Variants in RFLNA observed in about 807,000 individuals in gnomAD.
The protein encoded by RFLNA is refilin A, also known as refilin-A.
A neutral mutation model predicts 7.8 loss-of-function variants in RFLNA; 5 were observed. The ratio of observed to expected loss-of-function variants is 0.64; its 90% CI spans 0.34 to 1.35. The LOEUF is 1.35. RFLNA is among the 40% of genes most tolerant of loss of function. The pLI is 0.04. For synonymous variants in RFLNA, 141 were observed against 131.3 expected, an observed-to-expected ratio of 1.07 and a Z score of -0.50; for missense variants, 278 against 305.5, an observed-to-expected ratio of 0.91 and a Z score of 0.67.
In RFLNA at chr12:124,306,155, T is replaced by A. The variant is rs933812212; in HGVS notation, c.208-5663T>A. 4.6e-5 allele frequency among the ~76,000 whole-genome samples: 7 copies of A among 152,096 alleles called. No homozygotes were observed. The highest frequency in any genetic ancestry group is 1.7e-4 in the African/African-American group (7 of 41,412). Reference sequence around the variant, plus strand: ...GGTGTGGGGTCTCCCCTCCCCATAGTGCAGGGGCGGAGAGGTGCCAGGTCC... The same window carrying A: ...GGTGTGGGGTCTCCCCTCCCCATAGAGCAGGGGCGGAGAGGTGCCAGGTCC... On this transcript the variant is annotated intron_variant, in intron 1 of 2. Transcript: ENST00000546355. This position sits in a 1 kb window ranked among gnomAD's most constrained non-coding sequence, Gnocchi z 5.2.
At position 124,306,380 on chromosome 12, in the gene RFLNA, C is replaced by T. The variant is rs796771728; in HGVS notation, c.208-5438C>T. 1.3e-5 allele frequency among the ~76,000 whole-genome samples: 2 copies of T among 152,122 alleles called. No individual in the cohort carries two copies. The highest frequency in any genetic ancestry group is 6.5e-5 in the Admixed American group (1 of 15,276). Reference sequence around the variant, plus strand: ...AAGCAGCCAGTGCAGCAGGGAACAGCGGGAACACCGAGGCAGCCTCGGGTC... The same window carrying T: ...AAGCAGCCAGTGCAGCAGGGAACAGTGGGAACACCGAGGCAGCCTCGGGTC... On this transcript the variant is annotated intron_variant, in intron 1 of 2. Coordinates refer to ENST00000546355, the MANE Select transcript of RFLNA (RefSeq NM_001365156.1). The surrounding 1 kb of genome is among the most constrained non-coding windows in gnomAD (Gnocchi z 5.2).
intron 1 of RFLNA, among the ~76,000 whole-genome samples, chr12:124,307,593 G>A (rs2034158130): frequency 6.6e-6 from 1 of 152,184 alleles, no homozygotes; most frequent in Admixed American, 6.5e-5. Flanking sequence ...CCCATCCCGA[G>A]TCCCTGATCA....
upstream of RFLNA, among the ~76,000 whole-genome samples, chr12:124,292,344 C>T (rs1417954288): frequency 6.6e-6 from 1 of 152,206 alleles, no homozygotes; most frequent in Non-Finnish European, 1.5e-5. Context: ...TTCTGCTCCT[C>T]AGGCCTCACA....
chr12:124,290,376 G>A (rs1384162007), upstream of RFLNA, among the ~76,000 whole-genome samples: 3 of 152,166 alleles, frequency 2.0e-5, no homozygotes, highest in Non-Finnish European at 4.4e-5. This position sits in a 1 kb window ranked among gnomAD's most constrained non-coding sequence, Gnocchi z 4.0. Flanking sequence ...TTGTGTGTTT[G>A]TGTATATGTG....
rs570934070 is a variant in RFLNA at position 124,289,582 on chromosome 12, G to A, written c.-37+212G>A. On this transcript the variant is annotated intron_variant, in intron 1 of 2. Transcript: ENST00000324038. The surrounding 1 kb of genome is among the most constrained non-coding windows in gnomAD (Gnocchi z 5.0). ...GAATTCATTTTGTCCCCGCTTCCCTGTCTTAGTAGGGCAGGTGGTCAAGAG... is the reference window on the plus strand; with the variant it reads ...GAATTCATTTTGTCCCCGCTTCCCTATCTTAGTAGGGCAGGTGGTCAAGAG... 6.6e-6 allele frequency among the ~76,000 whole-genome samples: 1 copy of A among 152,346 alleles called. No homozygotes were observed. The highest frequency in any genetic ancestry group is 1.9e-4 in the East Asian group (1 of 5,182).
upstream of RFLNA, among the ~76,000 whole-genome samples, chr12:124,293,202 C>T (rs2033849633): frequency 2.0e-5 from 3 of 152,212 alleles, no homozygotes; most frequent in Admixed American, 6.5e-5. Context: ...GCTGGGATTA[C>T]AGGCGTGAGC....
chr12:124,294,472 C>T (rs1379195411), upstream of RFLNA, among the ~76,000 whole-genome samples: 1 of 152,200 alleles, frequency 6.6e-6, no homozygotes, highest in African/African-American at 2.4e-5. Flanking sequence ...GTGTTCTTCT[C>T]TCTTGGGAGG....
chr12:124,290,184 T>C (rs747641876), upstream of RFLNA, among the ~76,000 whole-genome samples: 2 of 152,198 alleles, frequency 1.3e-5, no homozygotes, highest in Non-Finnish European at 2.9e-5. This position sits in a 1 kb window ranked among gnomAD's most constrained non-coding sequence, Gnocchi z 4.0. Context: ...TCTCTCGTCT[T>C]TTCTTCTTCT....
chr12:124,293,161 A>G (rs1029180174), upstream of RFLNA, among the ~76,000 whole-genome samples: 3 of 152,152 alleles, frequency 2.0e-5, no homozygotes, highest in African/African-American at 7.2e-5. Flanking sequence ...TCCTGACCTC[A>G]GGGGATCCAC....
At chr12:124,298,532 A>G (rs1372145849) in intron 1 of RFLNA, among the ~76,000 whole-genome samples, 1 of 152,226 alleles carries the variant, frequency 6.6e-6, no homozygotes, top group African/African-American at 2.4e-5. Flanking sequence ...AGAGCTGGGA[A>G]TCAGGCATTG....
intron 1 of RFLNA, among the ~76,000 whole-genome samples, chr12:124,296,078 T>C (rs1220019610): frequency 1.9e-4 from 1 of 5,244 alleles, no homozygotes; most frequent in Non-Finnish European, 6.3e-4. Flanking sequence ...AGCCTTTTCT[T>C]TCTTTCTTTC....
At position 124,306,549 on chromosome 12, in the gene RFLNA, G is replaced by A. The variant is rs368742706; in HGVS notation, c.208-5269G>A. On this transcript the variant is annotated intron_variant, in intron 1 of 2. Transcript: ENST00000546355. This position sits in a 1 kb window ranked among gnomAD's most constrained non-coding sequence, Gnocchi z 5.2. ...AGTGGAGGAGCGAGGGTGAGGGCCC[G>A]GGACCTGGAGCCGCACCAGCAGCGT... Among the ~76,000 whole-genome samples, 88 of 152,272 alleles carry A rather than the reference G, an allele frequency of 5.8e-4. No homozygotes were observed. Among genetic ancestry groups the A allele is most frequent in the Non-Finnish European group, 9.9e-4 (67 of 68,014 alleles).
rs544233438 is a variant in RFLNA at position 124,314,616 on chromosome 12, G to A, written c.*91G>A. 30 of 1,530,544 alleles carry A rather than the reference G, an allele frequency of 2.0e-5. No homozygotes were observed. The highest frequency in any genetic ancestry group is 1.5e-4 in the East Asian group (6 of 40,844). The allele number at this position is 1,530,544 out of a possible 1,614,324, so 94.8% of individuals were successfully genotyped here. A position where few individuals can be genotyped will look rare whatever the true frequency, so the allele number is the denominator to read the frequency against. The stretch of plus-strand genomic sequence containing the variant: ...ACACGATGAGCTCGGCCTGGCACTC[G>A]GGCAGGAGGCGGGAAGGGAGGCTGC... On this transcript the variant is annotated 3_prime_UTR_variant, in exon 3 of 3. Coordinates refer to ENST00000546355, the MANE Select transcript of RFLNA (RefSeq NM_001365156.1).
At chr12:124,291,128 A>G (rs1281049881), upstream of RFLNA, among the ~76,000 whole-genome samples, 1 of 152,130 alleles carries the variant, frequency 6.6e-6, no homozygotes, top group Non-Finnish European at 1.5e-5. Flanking sequence ...CTTCCCCCAC[A>G]TCCACCCTAG....
intron 1 of RFLNA, among the ~76,000 whole-genome samples, chr12:124,307,282 C>T (rs561325347): frequency 4.1e-4 from 63 of 152,296 alleles, no homozygotes; most frequent in Non-Finnish European, 5.6e-4. Context: ...CTCCAGTGGC[C>T]GTGAACCCTG....
intron 1 of RFLNA, among the ~76,000 whole-genome samples, chr12:124,304,362 G>A (rs763817930): frequency 5.3e-5 from 8 of 152,224 alleles, no homozygotes; most frequent in East Asian, 3.9e-4. Flanking sequence ...CCTGCCCAGC[G>A]CTTCCAGCTT....
chr12:124,305,010 T>C (rs962874473), intron 1 of RFLNA, among the ~76,000 whole-genome samples: 4 of 152,300 alleles, frequency 2.6e-5, no homozygotes, highest in South Asian at 4.1e-4. Context: ...TCTAAAAACA[T>C]GGAATCATAT....
chr12:124,292,920 C>G (rs1029162124), upstream of RFLNA, among the ~76,000 whole-genome samples: 4 of 152,142 alleles, frequency 2.6e-5, no homozygotes, highest in Non-Finnish European at 5.9e-5. Flanking sequence ...ATGAACAAAA[C>G]ATCAACATTT....
intron 1 of RFLNA, among the ~76,000 whole-genome samples, chr12:124,297,265 GCTTA>G (rs2033945681): frequency 6.6e-6 from 1 of 152,136 alleles, no homozygotes; most frequent in South Asian, 2.1e-4. Flanking sequence ...AGCATGGCTG[GCTTA>G]CTTGTCTTGG....
Sources: allele counts gnomAD v4.1 joint callset (sites outside exome capture counted in the v4.1 genomes callset), GRCh38; gene constraint gnomAD v4.1.1; non-coding constraint Gnocchi (gnomAD v3.1); transcripts MANE v1.5; gene names NCBI Gene and HGNC (gene_info 2026-07-23, HGNC 2026-07-21).